Variants in TTC34 observed in about 807,000 individuals in gnomAD.
TTC34 encodes tetratricopeptide repeat domain 34, also known as tetratricopeptide repeat protein 34.
Under a neutral mutation model 40.7 loss-of-function variants are expected in TTC34, and 44 were observed. The observed-to-expected ratio is 1.08, with a 90% confidence interval of 0.85 to 1.39. TTC34 has a LOEUF of 1.39. Among genes scored for constraint, TTC34 ranks in the 40% most tolerant of loss-of-function variants. The pLI, the probability that TTC34 is intolerant of heterozygous loss-of-function variation, is 0.00. For missense variants in TTC34, 884 were observed against 838.0 expected, an observed-to-expected ratio of 1.05 and a Z score of -0.68; for synonymous variants, 422 against 398.6, an observed-to-expected ratio of 1.06 and a Z score of -0.70.
chr1:2,756,662 C>T (rs1641516136), intron 6 of TTC34, among the ~76,000 whole-genome samples: 1 of 116,994 alleles, frequency 8.5e-6, no homozygotes, highest in African/African-American at 3.2e-5. Flanking sequence ...GAACAGCACC[C>T]ACACCCCCAG....
intron 6 of TTC34, among the ~76,000 whole-genome samples, chr1:2,686,777 G>GTGA (rs1557612035): frequency 2.6e-4 from 4 of 15,510 alleles, no homozygotes; most frequent in African/African-American, 6.9e-4. Context: ...AGGTGAGCAT[G>GTGA]TGACAGCCTG....
chr1:2,644,008 C>G (rs571201504), intron 8 of TTC34, among the ~76,000 whole-genome samples: 5 of 152,364 alleles, frequency 3.3e-5, no homozygotes, highest in African/African-American at 1.2e-4. Flanking sequence ...CCTCTTCCCT[C>G]TCTTGCACCC....
At chr1:2,790,620 G>C (rs1643653021) in intron 2 of TTC34, among the ~76,000 whole-genome samples, 1 of 152,248 alleles carries the variant, frequency 6.6e-6, no homozygotes, top group Non-Finnish European at 1.5e-5. Flanking sequence ...GCGACACTGT[G>C]CTCTCAGGGT....
chr1:2,686,529 G>A (rs1337288731), intron 6 of TTC34, among the ~76,000 whole-genome samples: 5 of 35,686 alleles, frequency 1.4e-4, no homozygotes, highest in East Asian at 2.1e-3. Flanking sequence ...CACCCCCAGG[G>A]GAGCATCTGA....
chr1:2,675,610 C>T (rs200808555), intron 6 of TTC34, among the ~76,000 whole-genome samples: 2,353 of 56,580 alleles, frequency 0.042, 32 homozygotes, highest in Middle Eastern at 0.097. Context: ...CAACCCCAGG[C>T]GAGCATCGGA....
At chr1:2,652,514 A>AGGTGG (rs1639181098) in intron 6 of TTC34, among the ~76,000 whole-genome samples, 3 of 31,552 alleles carry the variant, frequency 9.5e-5, no homozygotes, top group African/African-American at 4.0e-4. Context: ...GGCCTGCAAC[A>AGGTGG]GCACCCACAC....
At chr1:2,749,324 CA>C (rs1369930666) in intron 6 of TTC34, among the ~76,000 whole-genome samples, 2 of 10,226 alleles carry the variant, frequency 2.0e-4, no homozygotes, top group Non-Finnish European at 1.8e-4. Context: ...AACCCACACC[CA>C]CAGGTGAGCA....
chr1:2,799,410 G>A (rs1379466170), intron 2 of TTC34, among the ~76,000 whole-genome samples: 1 of 152,166 alleles, frequency 6.6e-6, no homozygotes, highest in Non-Finnish European at 1.5e-5. Context: ...AGGCATGATG[G>A]TGGGTGCCTG....
intron 6 of TTC34, among the ~76,000 whole-genome samples, chr1:2,651,034 G>A (rs1007731899): frequency 6.6e-6 from 1 of 150,532 alleles, no homozygotes; most frequent in Non-Finnish European, 1.5e-5. Flanking sequence ...ACGCCTTCGG[G>A]GGGGCATCTG....
rs549380379 is a variant in TTC34 at position 2,788,009 on chromosome 1, G to A, written c.1629-303C>T. Reference sequence around the variant, plus strand: ...TTTCCTTTTCTGCAAAAACACAGACGAACAATTTGGCCTTGCTGGGCTCAG... The same window carrying A: ...TTTCCTTTTCTGCAAAAACACAGACAAACAATTTGGCCTTGCTGGGCTCAG... On this transcript the variant is annotated intron_variant, in intron 3 of 8. Transcript: ENST00000401095. Among the ~76,000 whole-genome samples the A allele has an allele frequency of 5.3e-5, 8 of 152,352 alleles. No homozygotes were observed. In the East Asian group the frequency reaches 1.4e-3, roughly 26 times the overall value.
chr1:2,797,757 G>A (rs1643722067), intron 2 of TTC34, among the ~76,000 whole-genome samples: 1 of 151,962 alleles, frequency 6.6e-6, no homozygotes, highest in Non-Finnish European at 1.5e-5. Flanking sequence ...CAGGAGCAGT[G>A]TCTCAAACTG....
At chr1:2,752,155 G>C (rs1198071791) in intron 6 of TTC34, among the ~76,000 whole-genome samples, 1 of 110,658 alleles carries the variant, frequency 9.0e-6, no homozygotes, top group African/African-American at 4.2e-5. Flanking sequence ...TGATGGTCTG[G>C]AGCAGCACCC....
intron 6 of TTC34, among the ~76,000 whole-genome samples, chr1:2,684,706 G>A (rs6683777): frequency 0.017 from 546 of 33,006 alleles, 1 homozygote; most frequent in African/African-American, 0.052. Flanking sequence ...AGCCTGGAAC[G>A]GCAACCACAC....
At chr1:2,769,672 C>T (rs1159065671) in intron 6 of TTC34, among the ~76,000 whole-genome samples, 1 of 145,954 alleles carries the variant, frequency 6.9e-6, no homozygotes, top group African/African-American at 2.6e-5. Context: ...CACCCTACAC[C>T]CCCAGGGGAG....
exon 3 of TTC34, chr1:2,789,630 C>G (rs979875598): frequency 7.3e-7 from 1 of 1,369,938 alleles, no homozygotes; most frequent in Non-Finnish European, 9.4e-7. Flanking sequence ...AGCAGCAGCC[C>G]CCGCTGGTTC....
intron 6 of TTC34, among the ~76,000 whole-genome samples, chr1:2,761,103 T>G (rs1451750043): frequency 6.1e-5 from 3 of 49,292 alleles, no homozygotes. Context: ...GCATCGGACA[T>G]CCTGGAGCAT....
At chr1:2,683,418 A>AGCAGC in intron 6 of TTC34, among the ~76,000 whole-genome samples, 1 of 124,144 alleles carries the variant, frequency 8.1e-6, no homozygotes, top group East Asian at 2.6e-4. Context: ...GATAGCCTGG[A>AGCAGC]ACACCACCCT....
intron 6 of TTC34, among the ~76,000 whole-genome samples, chr1:2,768,209 CT>C (rs1641849868): frequency 1.3e-5 from 2 of 151,760 alleles, no homozygotes; most frequent in Non-Finnish European, 2.9e-5. Context: ...GTGCCCACCC[CT>C]GGGTGAGGAT....
intron 6 of TTC34, among the ~76,000 whole-genome samples, chr1:2,698,494 C>A (rs1169680403): frequency 1.6e-5 from 2 of 123,430 alleles, no homozygotes; most frequent in African/African-American, 6.5e-5. Flanking sequence ...CACTCCCAGG[C>A]GAGCATCTGA....
Sources: allele counts gnomAD v4.1 joint callset (sites outside exome capture counted in the v4.1 genomes callset), GRCh38; gene constraint gnomAD v4.1.1; transcripts MANE v1.5; gene names NCBI Gene and HGNC (gene_info 2026-07-23, HGNC 2026-07-21).